The following GRIN2A variants were observed in gnomAD, a reference collection of about 807,000 sequenced individuals.
The protein encoded by GRIN2A is glutamate ionotropic receptor NMDA type subunit 2A.
In GRIN2A, 22 loss-of-function variants were observed where a neutral mutation model predicts 113.4. The ratio of observed to expected loss-of-function variants is 0.19; its 90% CI spans 0.14 to 0.28. GRIN2A has a LOEUF of 0.28. Among genes scored for constraint, GRIN2A ranks in the 10% least tolerant of loss-of-function variants. The probability of loss-of-function intolerance (pLI) is 1.00; values close to 1 mark genes in which losing one functional copy is unlikely to be tolerated. For missense variants in GRIN2A, 1,502 were observed against 1,887.0 expected, an observed-to-expected ratio of 0.80 and a Z score of 3.78; for synonymous variants, 827 against 738.4, an observed-to-expected ratio of 1.12 and a Z score of -1.94.
At chr16:9,795,969 C>T (rs1273637593) in intron 11 of GRIN2A, among the ~76,000 whole-genome samples, 1 of 152,180 alleles carries the variant, frequency 6.6e-6, no homozygotes. Flanking sequence ...AGAAGCTTTG[C>T]CACTTACTAG....
chr16:10,059,788 T>C (rs908958965), intron 2 of GRIN2A, among the ~76,000 whole-genome samples: 1 of 149,804 alleles, frequency 6.7e-6, no homozygotes, highest in Non-Finnish European at 1.5e-5. Flanking sequence ...GTGAAGAGAA[T>C]GTTTGGGCAT....
At chr16:10,027,376 C>T (rs78841060) in intron 2 of GRIN2A, among the ~76,000 whole-genome samples, 3 of 152,154 alleles carry the variant, frequency 2.0e-5, no homozygotes, top group African/African-American at 2.4e-5. Flanking sequence ...AATGTCCCCC[C>T]CTGCCAGTGC....
In GRIN2A at chr16:9,760,861, C is replaced by G; in HGVS notation, c.*2288G>C. Reference sequence around the variant, plus strand: ...GATCCTTGCTGGGGTGGATTAAGGTCTGGAATGCACTGGAAGGGCAGAAGG... The same window carrying G: ...GATCCTTGCTGGGGTGGATTAAGGTGTGGAATGCACTGGAAGGGCAGAAGG... On this transcript the variant is annotated 3_prime_UTR_variant, in exon 13 of 13. Coordinates refer to ENST00000330684, the MANE Select transcript of GRIN2A (RefSeq NM_001134407.3). 4.3e-6 allele frequency: 1 copy of G among 232,182 alleles called. No homozygotes were observed. The highest frequency in any genetic ancestry group is 6.1e-5 in the East Asian group (1 of 16,462). The allele number at this position is 232,182 out of a possible 1,614,324, so 14.4% of individuals were successfully genotyped here. A position where few individuals can be genotyped will look rare whatever the true frequency, so the allele number is the denominator to read the frequency against.
intron 2 of GRIN2A, among the ~76,000 whole-genome samples, chr16:10,170,274 C>G (rs550185963): frequency 6.6e-6 from 1 of 152,322 alleles, no homozygotes. Context: ...CACATTATGA[C>G]TAAGTGAGTT....
intron 2 of GRIN2A, among the ~76,000 whole-genome samples, chr16:9,981,392 T>C (rs1173422227): frequency 6.6e-6 from 1 of 152,196 alleles, no homozygotes; most frequent in African/African-American, 2.4e-5. Context: ...TTTAAACTTG[T>C]CATCATGGGA....
At position 9,873,564 on chromosome 16, in the gene GRIN2A, CA is replaced by C. The variant is rs553812778; in HGVS notation, c.1122+17421del. Among the ~76,000 whole-genome samples the C allele has an allele frequency of 9.0e-5, 11 of 121,684 alleles. No individual in the cohort carries two copies. In the East Asian group the frequency reaches 1.1e-3, roughly 13 times the overall value. 79.8% of individuals were successfully genotyped at this position (121,684 alleles called of 152,430 possible). On this transcript the variant is annotated intron_variant, in intron 4 of 12. Transcript: ENST00000330684. ...TAAAAAACAACAACAACAACAACAACAAACAAACAAACAGAAAAGAAACATC... is the reference window on the plus strand; with the variant it reads ...TAAAAAACAACAACAACAACAACAACAACAAACAAACAGAAAAGAAACATC...
At chr16:10,153,107 C>T (rs753974505) in intron 2 of GRIN2A, among the ~76,000 whole-genome samples, 28 of 152,018 alleles carry the variant, frequency 1.8e-4, no homozygotes, top group Non-Finnish European at 3.2e-4. Flanking sequence ...AATTTTGTGT[C>T]CATGTAGGCC....
chr16:10,104,663 A>T (rs573147135), intron 2 of GRIN2A, among the ~76,000 whole-genome samples: 2 of 152,174 alleles, frequency 1.3e-5, no homozygotes, highest in Admixed American at 6.5e-5. Context: ...CATGACAGAG[A>T]CAAGTTTCTG....
chr16:9,823,863 C>T (rs2042335010), intron 9 of GRIN2A, among the ~76,000 whole-genome samples: 1 of 152,146 alleles, frequency 6.6e-6, no homozygotes, highest in South Asian at 2.1e-4. Flanking sequence ...ACTCTCTCCT[C>T]ATCTAGACAT....
At chr16:9,802,597 ATTATTG>A (rs201741402) in intron 10 of GRIN2A, among the ~76,000 whole-genome samples, 2,426 of 152,208 alleles carry the variant, frequency 0.016, 64 homozygotes, top group African/African-American at 0.055. Context: ...GCAAGATATT[ATTATTG>A]TTATTATTTT....
intron 2 of GRIN2A, among the ~76,000 whole-genome samples, chr16:10,093,341 C>G (rs9928510): frequency 0.033 from 4,983 of 152,298 alleles, 123 homozygotes; most frequent in African/African-American, 0.065. Flanking sequence ...TCTCAATCAT[C>G]ATAGGCACAT....
chr16:9,936,618 C>A (rs1158313242), intron 3 of GRIN2A, among the ~76,000 whole-genome samples: 2 of 152,172 alleles, frequency 1.3e-5, no homozygotes, highest in Admixed American at 1.3e-4. Context: ...AACAATGACA[C>A]TTCTCAGAAA....
chr16:9,986,956 G>T (rs565215957), intron 2 of GRIN2A, among the ~76,000 whole-genome samples: 129 of 152,144 alleles, frequency 8.5e-4, no homozygotes, highest in African/African-American at 2.7e-3. Context: ...TTTTCAGTGT[G>T]CATATACCCG....
At chr16:9,787,045 C>A (rs200406992) in intron 11 of GRIN2A, among the ~76,000 whole-genome samples, 1 of 152,100 alleles carries the variant, frequency 6.6e-6, no homozygotes, top group East Asian at 1.9e-4. Flanking sequence ...AGGAGGAAGT[C>A]AAAATATTTT....
At chr16:9,876,073 C>T (rs995780676) in intron 4 of GRIN2A, among the ~76,000 whole-genome samples, 3 of 152,078 alleles carry the variant, frequency 2.0e-5, no homozygotes, top group African/African-American at 7.2e-5. Context: ...TTTGGAACAC[C>T]AAGCTCTGTG....
intron 2 of GRIN2A, among the ~76,000 whole-genome samples, chr16:10,109,336 A>G (rs1000926356): frequency 8.6e-6 from 1 of 116,698 alleles, no homozygotes; most frequent in Admixed American, 1.0e-4. Flanking sequence ...ACTCTATAAA[A>G]CATTTAAGGA....
chr16:10,051,013 G>A (rs529439318), intron 2 of GRIN2A, among the ~76,000 whole-genome samples: 1 of 152,190 alleles, frequency 6.6e-6, no homozygotes, highest in Admixed American at 6.5e-5. Context: ...TTCAGATGAT[G>A]AAGCTAAGAC....
At chr16:10,137,349 C>T (rs1567325706) in intron 2 of GRIN2A, among the ~76,000 whole-genome samples, 2 of 152,170 alleles carry the variant, frequency 1.3e-5, no homozygotes, top group African/African-American at 2.4e-5. Flanking sequence ...TGAAAGCAGG[C>T]CTGACTCTAA....
chr16:9,961,352 G>A (rs572084493), intron 2 of GRIN2A, among the ~76,000 whole-genome samples: 3 of 152,284 alleles, frequency 2.0e-5, no homozygotes, highest in South Asian at 4.1e-4. Flanking sequence ...ATCACTAGGA[G>A]AGTGCAGGAG....
Sources: gnomAD v4.1 joint callset for allele counts (sites outside exome capture counted in the v4.1 genomes callset) on GRCh38, gnomAD v4.1.1 for gene constraint, MANE v1.5 for transcripts, NCBI Gene and HGNC (gene_info 2026-07-23, HGNC 2026-07-21) for gene names.